ROR1: variants seen among roughly 807,000 people sequenced by gnomAD.
ROR1 encodes the protein ROR family WNT receptor 1.
A neutral mutation model predicts 78.8 loss-of-function variants in ROR1; 19 were observed. That is an observed-to-expected ratio of 0.24 (90% CI 0.17 to 0.35). The LOEUF (loss-of-function observed/expected upper bound fraction) is 0.35, where lower values mean the gene tolerates loss of function less well. Among genes scored for constraint, ROR1 ranks in the 10% least tolerant of loss-of-function variants. The pLI, the probability that ROR1 is intolerant of heterozygous loss-of-function variation, is 1.00. For missense variants in ROR1, 917 were observed against 1,177.8 expected, an observed-to-expected ratio of 0.78 and a Z score of 3.24; for synonymous variants, 386 against 433.6, an observed-to-expected ratio of 0.89 and a Z score of 1.36.
At chr1:64,147,733 C>G (rs1046158241) in intron 7 of ROR1, among the ~76,000 whole-genome samples, 2 of 151,958 alleles carry the variant, frequency 1.3e-5, no homozygotes, top group African/African-American at 4.8e-5. Flanking sequence ...AAATCAAGGC[C>G]CAGAGAAGTG....
chr1:63,969,830 T>C (rs1025901761), intron 1 of ROR1, among the ~76,000 whole-genome samples: 6 of 152,066 alleles, frequency 3.9e-5, no homozygotes, highest in Non-Finnish European at 8.8e-5. Context: ...TGAATCTGTC[T>C]CCTTGTAACT....
chr1:63,975,658 A>C (rs1646153996), intron 1 of ROR1, among the ~76,000 whole-genome samples: 1 of 152,184 alleles, frequency 6.6e-6, no homozygotes, highest in South Asian at 2.1e-4. Context: ...CCTGTGCCAA[A>C]GCAAATTTCT....
chr1:63,910,061 C>T (rs1035301962), intron 1 of ROR1, among the ~76,000 whole-genome samples: 14 of 152,182 alleles, frequency 9.2e-5, no homozygotes, highest in Admixed American at 2.0e-4. Context: ...TTATATAATT[C>T]AGTGCACTTA....
chr1:63,829,450 T>A (rs916372379), intron 1 of ROR1, among the ~76,000 whole-genome samples: 2 of 152,130 alleles, frequency 1.3e-5, no homozygotes, highest in East Asian at 3.9e-4. Context: ...GATTCCTAAT[T>A]CAGATGTGGG....
At chr1:63,794,461 G>A (rs572596512) in intron 1 of ROR1, among the ~76,000 whole-genome samples, 4 of 152,238 alleles carry the variant, frequency 2.6e-5, no homozygotes, top group South Asian at 4.2e-4. Context: ...TGGCTTCCCC[G>A]GCCTCCAGCA....
At chr1:63,968,344 G>C (rs1259690809) in intron 1 of ROR1, among the ~76,000 whole-genome samples, 1 of 152,080 alleles carries the variant, frequency 6.6e-6, no homozygotes, top group Non-Finnish European at 1.5e-5. Context: ...AAGATATTTT[G>C]TTCCACCTCA....
At chr1:64,093,385 C>T (rs919118222) in intron 4 of ROR1, among the ~76,000 whole-genome samples, 13 of 152,160 alleles carry the variant, frequency 8.5e-5, no homozygotes, top group African/African-American at 3.1e-4. Context: ...GCAAGAAAGA[C>T]TTGAGAGAGC....
rs1221571316 is a variant in ROR1 at position 63,774,721 on chromosome 1, G to A, written c.91+213G>A. On this transcript the variant is annotated intron_variant, in intron 1 of 8. Coordinates refer to ENST00000371079, the MANE Select transcript of ROR1 (RefSeq NM_005012.4). This position sits in a 1 kb window ranked among gnomAD's most constrained non-coding sequence, Gnocchi z 5.7. ...TTGCCCCGGAGCCCCGCGGCGGGCC[G>A]GGGCGCGCCCAGGGACTCGTTCCTC... is the stretch of plus-strand genomic sequence containing the variant. Among the ~76,000 whole-genome samples the A allele has an allele frequency of 6.6e-6, 1 of 151,520 alleles. No individual in the cohort carries two copies. Among genetic ancestry groups the A allele is most frequent in the Non-Finnish European group, 1.5e-5 (1 of 67,820 alleles).
intron 4 of ROR1, chr1:64,110,503 A>G (rs1648048439): frequency 6.6e-6 from 1 of 152,042 alleles, no homozygotes; most frequent in Admixed American, 6.6e-5. Flanking sequence ...ATTAAAACGC[A>G]AGCCATCTAA....
intron 4 of ROR1, among the ~76,000 whole-genome samples, chr1:64,130,924 G>A (rs934459122): frequency 6.6e-6 from 1 of 152,190 alleles, no homozygotes; most frequent in East Asian, 1.9e-4. Context: ...GAGGTTACTA[G>A]AGCCATTATG....
At chr1:64,097,714 G>A (rs1386954053) in intron 4 of ROR1, among the ~76,000 whole-genome samples, 1 of 152,044 alleles carries the variant, frequency 6.6e-6, no homozygotes, top group Admixed American at 6.6e-5. Flanking sequence ...TTCTGGAGCT[G>A]GTTATGGCAG....
At chr1:63,970,947 A>C (rs141549288) in intron 1 of ROR1, among the ~76,000 whole-genome samples, 1 of 152,148 alleles carries the variant, frequency 6.6e-6, no homozygotes, top group African/African-American at 2.4e-5. Flanking sequence ...CTAACCTTCT[A>C]TGTTTCTCTG....
chr1:64,034,685 G>T (rs1646687192), intron 2 of ROR1, among the ~76,000 whole-genome samples: 1 of 152,104 alleles, frequency 6.6e-6, no homozygotes, highest in South Asian at 2.1e-4. Context: ...CTTCTTCCAG[G>T]CTTCTGTAAG....
chr1:64,156,833 T>C (rs1649788479), intron 7 of ROR1, among the ~76,000 whole-genome samples: 1 of 152,042 alleles, frequency 6.6e-6, no homozygotes, highest in Non-Finnish European at 1.5e-5. Flanking sequence ...AACCCTACTA[T>C]GAGAAAATAG....
At chr1:63,923,172 C>T (rs1435677005) in intron 1 of ROR1, among the ~76,000 whole-genome samples, 2 of 152,164 alleles carry the variant, frequency 1.3e-5, no homozygotes, top group African/African-American at 2.4e-5. Context: ...ACTTCAGCCC[C>T]TCTTGGCTCA....
chr1:64,009,324 T>C lies in ROR1; in HGVS notation c.111T>C (p.Ser37=), dbSNP rs1306893896. The C allele has an allele frequency of 6.2e-7, 1 of 1,613,648 alleles. No homozygotes were observed. ...TTTCAGAAACAGAGCTGTCAGTCAG[T>C]GCTGAATTAGTGCCTACCTCATCAT... ...AAAQETELSV[S]AELVPTSSWN... is the part of the protein sequence containing the mutation. Residue 37 remains serine (S), a synonymous_variant, in exon 2 of 9, where the codon AGT becomes AGC. Coordinates refer to ENST00000371079, the MANE Select transcript of ROR1 (RefSeq NM_005012.4).
At chr1:63,939,519 G>T (rs1203625718) in intron 1 of ROR1, among the ~76,000 whole-genome samples, 1 of 152,020 alleles carries the variant, frequency 6.6e-6, no homozygotes, top group African/African-American at 2.4e-5. Flanking sequence ...AAATTTCCAG[G>T]CATATCAAAA....
intron 8 of ROR1, among the ~76,000 whole-genome samples, chr1:64,167,359 T>C (rs79013677): frequency 0.051 from 7,703 of 152,252 alleles, 268 homozygotes; most frequent in Non-Finnish European, 0.072. Flanking sequence ...AGTTACGTTA[T>C]AGAGAAAAGA....
At chr1:64,021,688 G>A (rs1646566478) in intron 2 of ROR1, among the ~76,000 whole-genome samples, 1 of 152,190 alleles carries the variant, frequency 6.6e-6, no homozygotes, top group Non-Finnish European at 1.5e-5. Flanking sequence ...AATAATCTGT[G>A]TGTATAGGGA....
Sources: allele counts gnomAD v4.1 joint callset (sites outside exome capture counted in the v4.1 genomes callset), GRCh38; gene constraint gnomAD v4.1.1; non-coding constraint Gnocchi (gnomAD v3.1); transcripts MANE v1.5; gene names NCBI Gene and HGNC (gene_info 2026-07-23, HGNC 2026-07-21).